Variants in CCSER1 observed in about 807,000 individuals in gnomAD.
CCSER1 encodes the protein serine-rich coiled-coil domain-containing protein 1.
Under a neutral mutation model 82.0 loss-of-function variants are expected in CCSER1, and 41 were observed. That is an observed-to-expected ratio of 0.50 (90% confidence interval 0.39 to 0.65). The LOEUF (loss-of-function observed/expected upper bound fraction) is 0.65, where lower values mean the gene tolerates loss of function less well. Ranked by LOEUF, CCSER1 falls within the 30% of genes least tolerant of loss-of-function variation. CCSER1 has a pLI of 0.00. For missense variants in CCSER1, 1,119 were observed against 1,064.2 expected (o/e 1.05, Z -0.72); for synonymous variants, 414 against 383.9 (o/e 1.08, Z -0.92).
At chr4:90,740,487 C>T (rs527728091) in intron 7 of CCSER1, among the ~76,000 whole-genome samples, 3 of 152,206 alleles carry the variant, frequency 2.0e-5, no homozygotes, top group South Asian at 2.1e-4. Context: ...ATCTCTTAGA[C>T]ATAGTAGACC....
chr4:90,475,573 A>T (rs191987702), intron 5 of CCSER1, among the ~76,000 whole-genome samples: 9 of 152,294 alleles, frequency 5.9e-5, no homozygotes. Context: ...CAAGGGACAG[A>T]TGTGGATTCA....
At chr4:91,059,252 TAA>T (rs910268773) in intron 9 of CCSER1, among the ~76,000 whole-genome samples, 5 of 139,812 alleles carry the variant, frequency 3.6e-5, no homozygotes, top group African/African-American at 1.4e-4. Flanking sequence ...TTGTATATAA[TAA>T]AGTTTTTTTT....
intron 10 of CCSER1, among the ~76,000 whole-genome samples, chr4:91,361,011 T>A (rs1578264453): frequency 1.3e-5 from 2 of 151,844 alleles, no homozygotes; most frequent in African/African-American, 4.8e-5. Context: ...TCAGCTTTCA[T>A]AAGATGGTAG....
intron 10 of CCSER1, among the ~76,000 whole-genome samples, chr4:91,157,738 A>G (rs1235644872): frequency 6.6e-6 from 1 of 151,980 alleles, no homozygotes; most frequent in African/African-American, 2.4e-5. Context: ...TGATGCCCTA[A>G]GTACAGCAGC....
rs548850777 is a variant in CCSER1, at chr4:91,352,490, C to T, written c.2218-246082C>T. On this transcript the variant is annotated intron_variant, in intron 10 of 10. Coordinates refer to ENST00000509176, the MANE Select transcript of CCSER1 (RefSeq NM_001145065.2). Reference sequence around the variant, plus strand: ...CTATCTCCTGACTTCGTGATCTGCCCGCCTCAGCATCCCAAAGTGCTCAGA... The same window carrying T: ...CTATCTCCTGACTTCGTGATCTGCCTGCCTCAGCATCCCAAAGTGCTCAGA... Among the ~76,000 whole-genome samples, 9 of 152,200 alleles carry T rather than the reference C, an allele frequency of 5.9e-5. No homozygotes were observed. The South Asian group carries it at 1.0e-3, about 18-fold the overall frequency.
intron 8 of CCSER1, among the ~76,000 whole-genome samples, chr4:90,898,101 C>A (rs1043894095): frequency 1.3e-5 from 2 of 151,544 alleles, no homozygotes; most frequent in Non-Finnish European, 2.9e-5. Context: ...CTGTGCATAG[C>A]TCTTTAGTTT....
At chr4:90,181,008 G>T (rs574808105) in intron 1 of CCSER1, among the ~76,000 whole-genome samples, 24 of 152,182 alleles carry the variant, frequency 1.6e-4, no homozygotes, top group African/African-American at 5.8e-4. Context: ...GAGCATAACA[G>T]TAATCTTTAC....
intron 10 of CCSER1, among the ~76,000 whole-genome samples, chr4:91,230,190 C>T (rs1053941444): frequency 1.3e-5 from 2 of 151,806 alleles, no homozygotes; most frequent in African/African-American, 4.8e-5. Context: ...ACCACATAAC[C>T]GAATAAATGG....
At chr4:90,719,948 G>A (rs1385084669) in intron 6 of CCSER1, among the ~76,000 whole-genome samples, 3 of 152,078 alleles carry the variant, frequency 2.0e-5, no homozygotes, top group African/African-American at 7.2e-5. Context: ...AAAAGGATTT[G>A]TCTCGTCTAT....
At chr4:91,446,645 A>G (rs1468343161) in intron 10 of CCSER1, among the ~76,000 whole-genome samples, 13 of 138,614 alleles carry the variant, frequency 9.4e-5, no homozygotes, top group Admixed American at 7.8e-4. Context: ...TGTAATGAAT[A>G]TTTTATACAA....
intron 7 of CCSER1, among the ~76,000 whole-genome samples, chr4:90,812,570 T>A (rs1332298384): frequency 6.6e-6 from 1 of 152,148 alleles, no homozygotes; most frequent in Non-Finnish European, 1.5e-5. Context: ...GTTTGAGAAT[T>A]AATATTTAAT....
chr4:90,163,563 A>G (rs1014423758), intron 1 of CCSER1, among the ~76,000 whole-genome samples: 1 of 152,142 alleles, frequency 6.6e-6, no homozygotes, highest in Non-Finnish European at 1.5e-5. Context: ...CTGATTCACT[A>G]TTTGATTTGT....
intron 10 of CCSER1, among the ~76,000 whole-genome samples, chr4:91,116,353 G>T (rs192528413): frequency 1.3e-5 from 2 of 152,096 alleles, no homozygotes; most frequent in African/African-American, 4.8e-5. Flanking sequence ...ACAGTGTGCC[G>T]CTTGCAAGCT....
chr4:90,610,377 C>G (rs1785310011), intron 5 of CCSER1, among the ~76,000 whole-genome samples: 1 of 152,062 alleles, frequency 6.6e-6, no homozygotes, highest in Non-Finnish European at 1.5e-5. Context: ...TTTTACTGCC[C>G]TTCTCGAGTC....
At chr4:90,247,655 A>T (rs1018652362) in intron 1 of CCSER1, among the ~76,000 whole-genome samples, 2 of 152,130 alleles carry the variant, frequency 1.3e-5, no homozygotes, top group African/African-American at 4.8e-5. Flanking sequence ...AGAGAATGGA[A>T]GCGACCATCT....
chr4:91,459,649 T>C (rs749547939), intron 10 of CCSER1, among the ~76,000 whole-genome samples: 19 of 152,164 alleles, frequency 1.2e-4, no homozygotes, highest in South Asian at 4.1e-4. Context: ...GGAAAAAAAA[T>C]GGTGACTTAC....
chr4:91,356,010 T>C (rs1345817721), intron 10 of CCSER1, among the ~76,000 whole-genome samples: 1 of 152,232 alleles, frequency 6.6e-6, no homozygotes, highest in African/African-American at 2.4e-5. Flanking sequence ...ATGGTGTCCT[T>C]TGGTATTTAT....
intron 10 of CCSER1, among the ~76,000 whole-genome samples, chr4:91,093,884 A>T (rs1179102418): frequency 1.3e-5 from 2 of 152,186 alleles, no homozygotes; most frequent in Admixed American, 1.3e-4. Flanking sequence ...AAAGTTTGGA[A>T]TCCATAATCT....
At chr4:91,200,593 A>T (rs1357697802) in intron 10 of CCSER1, among the ~76,000 whole-genome samples, 1 of 152,088 alleles carries the variant, frequency 6.6e-6, no homozygotes, top group African/African-American at 2.4e-5. Flanking sequence ...ACTTTAATGT[A>T]TTAAAATTGA....
Sources: allele counts gnomAD v4.1 joint callset (sites outside exome capture counted in the v4.1 genomes callset), GRCh38; gene constraint gnomAD v4.1.1; transcripts MANE v1.5; gene names NCBI Gene and HGNC (gene_info 2026-07-23, HGNC 2026-07-21).